The following MAPKAP1 variants were observed in gnomAD, a reference collection of about 807,000 sequenced individuals.
MAPKAP1 encodes the protein target of rapamycin complex 2 subunit MAPKAP1.
A neutral mutation model predicts 65.7 loss-of-function variants in MAPKAP1; 20 were observed. The observed-to-expected ratio is 0.30, with a 90% CI of 0.21 to 0.44. The LOEUF (loss-of-function observed/expected upper bound fraction) is 0.44. Among genes scored for constraint, MAPKAP1 ranks in the 20% least tolerant of loss-of-function variants. MAPKAP1 has a pLI of 1.00. For missense variants in MAPKAP1, 423 were observed against 648.0 expected, an observed-to-expected ratio of 0.65 and a Z score of 3.77; for synonymous variants, 222 against 244.3, an observed-to-expected ratio of 0.91 and a Z score of 0.85.
At chr9:125,570,827 CTAAAGT>C (rs1306350333) in intron 5 of MAPKAP1, among the ~76,000 whole-genome samples, 2 of 151,558 alleles carry the variant, frequency 1.3e-5, no homozygotes, top group South Asian at 2.1e-4. Context: ...AACATATTGG[CTAAAGT>C]TAAAGGGGTA....
intron 1 of MAPKAP1, among the ~76,000 whole-genome samples, chr9:125,684,924 C>T (rs982128652): frequency 6.6e-6 from 1 of 152,152 alleles, no homozygotes; most frequent in African/African-American, 2.4e-5. Context: ...TCCTCCCCAT[C>T]GGCCTCCCAG....
chr9:125,575,369 T>C (rs1831362243), intron 5 of MAPKAP1, among the ~76,000 whole-genome samples: 1 of 152,058 alleles, frequency 6.6e-6, no homozygotes, highest in African/African-American at 2.4e-5. Flanking sequence ...ATGAATAAAA[T>C]GTGATGCTTG....
chr9:125,645,867 T>C (rs972547116), intron 4 of MAPKAP1, among the ~76,000 whole-genome samples: 1 of 152,114 alleles, frequency 6.6e-6, no homozygotes. Flanking sequence ...TCCCTGTCAG[T>C]GTGCTGACTC....
chr9:125,556,090 A>C (rs1224612244), intron 6 of MAPKAP1, among the ~76,000 whole-genome samples: 1 of 152,264 alleles, frequency 6.6e-6, no homozygotes, highest in Non-Finnish European at 1.5e-5. Context: ...GCTAACACTA[A>C]GATGATGCGT....
Position 125,543,159 on chromosome 9 carries a change from A to C in MAPKAP1, c.858T>G (p.Ala286=). The part of the protein sequence containing the change: ...KESLFVRINA[A]HGFSLIQVDN... The stretch of plus-strand genomic sequence containing the variant: ...CCACCTGAATAAGGGAGAATCCATG[A>C]GCAGCATTTCTGTAGGAAAAGACAA... The change falls in exon 7 of 12, where the codon GCT becomes GCG. Residue 286 remains alanine, a synonymous_variant. Coordinates refer to ENST00000265960, the MANE Select transcript of MAPKAP1 (RefSeq NM_001006617.3). The C allele has an allele frequency of 1.2e-6, 2 of 1,606,918 alleles. No homozygotes were observed. The highest frequency in any genetic ancestry group is 2.7e-5 in the African/African-American group (2 of 74,898).
intron 4 of MAPKAP1, among the ~76,000 whole-genome samples, chr9:125,656,706 C>T (rs911798952): frequency 6.6e-6 from 1 of 152,006 alleles, no homozygotes; most frequent in Non-Finnish European, 1.5e-5. Context: ...ACAAATTATA[C>T]ACAATACCTC....
At chr9:125,693,668 T>TACATACACGTATAC (rs1564620117) in intron 1 of MAPKAP1, among the ~76,000 whole-genome samples, 1 of 129,384 alleles carries the variant, frequency 7.7e-6, no homozygotes, top group African/African-American at 2.8e-5. Context: ...TACACACACA[T>TACATACACGTATAC]ATACACGTAT....
At chr9:125,566,744 C>T (rs1343654094) in intron 5 of MAPKAP1, among the ~76,000 whole-genome samples, 7 of 152,088 alleles carry the variant, frequency 4.6e-5, no homozygotes, top group Non-Finnish European at 1.0e-4. Context: ...CTTCAATGTC[C>T]ACCCAGTCTT....
intron 1 of MAPKAP1, among the ~76,000 whole-genome samples, chr9:125,677,505 C>T (rs1377868545): frequency 5.9e-5 from 9 of 151,970 alleles, no homozygotes; most frequent in Admixed American, 5.2e-4. Context: ...AGACTAGCCT[C>T]GCCAACATGC....
chr9:125,526,469 C>T (rs1156649756), intron 7 of MAPKAP1, among the ~76,000 whole-genome samples: 1 of 152,196 alleles, frequency 6.6e-6, no homozygotes, highest in Non-Finnish European at 1.5e-5. Context: ...ATATGGGTCA[C>T]AGAGACAAAG....
At chr9:125,606,443 G>A (rs1262967023) in intron 4 of MAPKAP1, among the ~76,000 whole-genome samples, 1 of 152,140 alleles carries the variant, frequency 6.6e-6, no homozygotes, top group Non-Finnish European at 1.5e-5. Flanking sequence ...GATTGACTCT[G>A]ACAGGTATTG....
At chr9:125,609,114 T>A (rs1352874390) in intron 4 of MAPKAP1, among the ~76,000 whole-genome samples, 3 of 152,264 alleles carry the variant, frequency 2.0e-5, no homozygotes, top group Non-Finnish European at 2.9e-5. Context: ...TTTAAATTCC[T>A]GTTAATTGTA....
At chr9:125,542,310 C>A (rs904616394) in intron 7 of MAPKAP1, among the ~76,000 whole-genome samples, 3 of 152,204 alleles carry the variant, frequency 2.0e-5, no homozygotes, top group Non-Finnish European at 4.4e-5. Flanking sequence ...TCAACCCCAG[C>A]AATGCTTTTT....
chr9:125,492,989 A>C (rs1333723131), intron 8 of MAPKAP1, among the ~76,000 whole-genome samples: 1 of 152,180 alleles, frequency 6.6e-6, no homozygotes. Context: ...GGAGGAATAT[A>C]GGAAAAAACA....
intron 2 of MAPKAP1, among the ~76,000 whole-genome samples, chr9:125,671,035 G>A (rs1279586425): frequency 6.6e-6 from 1 of 152,002 alleles, no homozygotes; most frequent in South Asian, 2.1e-4. Flanking sequence ...ACATTCAATT[G>A]CAATTAATAA....
chr9:125,509,262 T>C (rs1829232674), intron 7 of MAPKAP1, among the ~76,000 whole-genome samples: 1 of 119,536 alleles, frequency 8.4e-6, no homozygotes, highest in Admixed American at 9.6e-5. Flanking sequence ...ACATTATGTA[T>C]GAATTTTAAA....
intron 4 of MAPKAP1, among the ~76,000 whole-genome samples, chr9:125,625,254 AT>A (rs1331306001): frequency 2.2e-3 from 124 of 57,302 alleles, no homozygotes; most frequent in African/African-American, 5.4e-3. Context: ...AAATAAATAA[AT>A]AAAAAAAAAA....
chr9:125,623,719 C>A (rs1245063774), intron 4 of MAPKAP1, among the ~76,000 whole-genome samples: 3 of 25,718 alleles, frequency 1.2e-4, no homozygotes, highest in African/African-American at 1.3e-4. Context: ...GGGGGGTCAG[C>A]CCCCCGCCCG....
chr9:125,673,472 C>T (rs10986839), intron 1 of MAPKAP1, among the ~76,000 whole-genome samples: 2,989 of 152,262 alleles, frequency 0.02, 162 homozygotes, highest in East Asian at 0.15. Context: ...TTGATCCGCC[C>T]GCCTTGGCCT....
Sources: allele counts gnomAD v4.1 joint callset (sites outside exome capture counted in the v4.1 genomes callset), GRCh38; gene constraint gnomAD v4.1.1; transcripts MANE v1.5; gene names NCBI Gene and HGNC (gene_info 2026-07-23, HGNC 2026-07-21).